Variants in PEBP4 observed in about 807,000 individuals in gnomAD.
The protein encoded by PEBP4 is phosphatidylethanolamine-binding protein 4.
In PEBP4, 22 loss-of-function variants were observed where a neutral mutation model predicts 23.9. The observed-to-expected ratio is 0.92, with a 90% CI of 0.66 to 1.31. PEBP4 has a LOEUF of 1.31. PEBP4 is among the 40% of genes most tolerant of loss of function. PEBP4 has a pLI of 0.00. For synonymous variants in PEBP4, 112 were observed against 99.3 expected, an observed-to-expected ratio of 1.13 and a Z score of -0.76; for missense variants, 324 against 281.7, an observed-to-expected ratio of 1.15 and a Z score of -1.07.
chr8:22,875,474 C>A (rs777004098), intron 3 of PEBP4, among the ~76,000 whole-genome samples: 20 of 152,278 alleles, frequency 1.3e-4, no homozygotes, highest in Non-Finnish European at 2.8e-4. Flanking sequence ...TCTCCCTCCT[C>A]CCACCTTCCC....
chr8:22,938,617 G>C (rs570808549), intron 1 of PEBP4, among the ~76,000 whole-genome samples: 107 of 152,288 alleles, frequency 7.0e-4, no homozygotes, highest in South Asian at 1.9e-3. Context: ...GGGACCAGCA[G>C]GTGCTCCATT....
At chr8:22,780,202 A>T (rs1024329676) in intron 4 of PEBP4, among the ~76,000 whole-genome samples, 3 of 152,098 alleles carry the variant, frequency 2.0e-5, no homozygotes, top group Non-Finnish European at 4.4e-5. Context: ...AAGCTCAAGC[A>T]ATCTGCCCAC....
chr8:22,756,125 G>C (rs548437779), intron 4 of PEBP4: 19 of 152,340 alleles, frequency 1.2e-4, no homozygotes, highest in African/African-American at 4.3e-4. Flanking sequence ...CTCCTTGTCT[G>C]AGCATCTTCT....
chr8:22,803,898 G>C (rs1166315537), intron 4 of PEBP4, among the ~76,000 whole-genome samples: 1 of 152,182 alleles, frequency 6.6e-6, no homozygotes, highest in Admixed American at 6.5e-5. Flanking sequence ...CCTCACAACG[G>C]GTTCTGAGGC....
intron 4 of PEBP4, among the ~76,000 whole-genome samples, chr8:22,770,154 C>T (rs1442868579): frequency 1.3e-5 from 2 of 152,224 alleles, no homozygotes; most frequent in Admixed American, 6.5e-5. Flanking sequence ...AGGTCTATGG[C>T]GGGCACCTTT....
At position 22,740,104 on chromosome 8, in the gene PEBP4, C is replaced by T. The variant is rs536265855; in HGVS notation, c.358-12884G>A. Among the ~76,000 whole-genome samples, 6 of 152,294 alleles carry T rather than the reference C, an allele frequency of 3.9e-5. No individual in the cohort carries two copies. The South Asian group carries it at 1.0e-3, about 26-fold the overall frequency. ...CCTTTGGAGCCTCTTCTCTCCCTCCCCACCAATGGGCCCAGGCCTGGGGCT... is the reference window on the plus strand; with the variant it reads ...CCTTTGGAGCCTCTTCTCTCCCTCCTCACCAATGGGCCCAGGCCTGGGGCT... On this transcript the variant is annotated intron_variant, in intron 4 of 6. Transcript: ENST00000256404.
intron 4 of PEBP4, among the ~76,000 whole-genome samples, chr8:22,744,413 G>A (rs185817822): frequency 3.9e-5 from 6 of 152,328 alleles, no homozygotes; most frequent in South Asian, 2.1e-4. Flanking sequence ...AGGGTCTGCC[G>A]GTGGAAAAAG....
chr8:22,750,396 A>G (rs1805230404), intron 4 of PEBP4, among the ~76,000 whole-genome samples: 1 of 152,238 alleles, frequency 6.6e-6, no homozygotes, highest in South Asian at 2.1e-4. Context: ...CACCGCGCCC[A>G]GCCAGTTTGT....
chr8:22,920,360 TGGGGTTCCCAA>T (rs1460657019), intron 2 of PEBP4, 50 bp from the exon 3 acceptor site: 1 of 1,578,844 alleles, frequency 6.3e-7, no homozygotes, highest in East Asian at 2.3e-5. Context: ...TAAGGGAGCC[TGGGGTTCCCAA>T]GGCTTCAGTC....
intron 3 of PEBP4, among the ~76,000 whole-genome samples, chr8:22,823,443 A>G (rs1370225543): frequency 6.6e-6 from 1 of 151,964 alleles, no homozygotes; most frequent in East Asian, 1.9e-4. Context: ...TTATATACTC[A>G]TATAAGAAAT....
intron 3 of PEBP4, among the ~76,000 whole-genome samples, chr8:22,839,947 A>C (rs1214145522): frequency 6.6e-6 from 1 of 152,234 alleles, no homozygotes; most frequent in Non-Finnish European, 1.5e-5. Flanking sequence ...TTAAGGGAAG[A>C]CAGCCATGAG....
chr8:22,783,188 CTTTTA>C (rs936430435), intron 4 of PEBP4, among the ~76,000 whole-genome samples: 109 of 152,350 alleles, frequency 7.2e-4, no homozygotes, highest in African/African-American at 2.5e-3. Flanking sequence ...CCATTCCAAC[CTTTTA>C]TTTTGTTTCT....
At chr8:22,860,339 T>A (rs1200219561) in intron 3 of PEBP4, among the ~76,000 whole-genome samples, 21 of 151,836 alleles carry the variant, frequency 1.4e-4, no homozygotes, top group African/African-American at 5.1e-4. Context: ...TCCAGAATGC[T>A]TTTCATTTTG....
chr8:22,914,049 G>A (rs560365092), intron 3 of PEBP4, among the ~76,000 whole-genome samples: 7 of 149,742 alleles, frequency 4.7e-5, no homozygotes, highest in East Asian at 3.9e-4. Context: ...GTATAGTGGC[G>A]CGATCTAGGC....
chr8:22,784,153 G>A (rs1193939779), intron 4 of PEBP4, among the ~76,000 whole-genome samples: 2 of 152,294 alleles, frequency 1.3e-5, no homozygotes, highest in South Asian at 2.1e-4. Flanking sequence ...CACAGCAGGT[G>A]CCCCATCTTT....
rs1804635745 is a variant in PEBP4, at chr8:22,727,160, T to G, written c.403+15A>C. On this transcript the variant is annotated intron_variant, in intron 5 of 6. Coordinates refer to ENST00000256404, the MANE Select transcript of PEBP4 (RefSeq NM_144962.3). ...TGCCCTGGCTGGGGGAAGGGGTCCC[T>G]AGGGTCTTACTCACCTGATAACTCC... The G allele has an allele frequency of 6.2e-7, 1 of 1,613,626 alleles. No individual in the cohort carries two copies. The highest frequency in any genetic ancestry group is 8.5e-7 in the Non-Finnish European group (1 of 1,179,864).
At chr8:22,830,014 T>G (rs1195486566) in intron 3 of PEBP4, among the ~76,000 whole-genome samples, 1 of 152,142 alleles carries the variant, frequency 6.6e-6, no homozygotes, top group Admixed American at 6.5e-5. Flanking sequence ...GCCCACCCCT[T>G]CTTTATAGCA....
At chr8:22,908,028 G>T (rs911699796) in intron 3 of PEBP4, among the ~76,000 whole-genome samples, 1 of 150,910 alleles carries the variant, frequency 6.6e-6, no homozygotes, top group Non-Finnish European at 1.5e-5. Flanking sequence ...AAAAAAAAGA[G>T]ATACTGATGA....
intron 4 of PEBP4, among the ~76,000 whole-genome samples, chr8:22,767,432 G>A (rs563655366): frequency 2.6e-5 from 4 of 152,326 alleles, no homozygotes; most frequent in East Asian, 1.9e-4. Context: ...ATGTTGTCAC[G>A]TCCGCTGTCA....
Sources: allele counts gnomAD v4.1 joint callset (sites outside exome capture counted in the v4.1 genomes callset), GRCh38; gene constraint gnomAD v4.1.1; transcripts MANE v1.5; gene names NCBI Gene and HGNC (gene_info 2026-07-23, HGNC 2026-07-21).